MYO19: variants seen among roughly 807,000 people sequenced by gnomAD.
MYO19 encodes the protein unconventional myosin-XIX.
In MYO19, 132 loss-of-function variants were observed where a neutral mutation model predicts 129.2. That is an observed-to-expected ratio of 1.02 (90% CI 0.89 to 1.18). MYO19 has a LOEUF of 1.18. MYO19 is among the 50% of genes most tolerant of loss of function. MYO19 has a pLI of 0.00. For missense variants in MYO19, 1,210 were observed against 1,216.7 expected (o/e 0.99, Z 0.08); for synonymous variants, 531 against 477.2 (o/e 1.11, Z -1.47).
intron 15 of MYO19, 138 bp from the exon 16 acceptor site, chr17:36,507,650 T>C (rs2072011209): frequency 2.4e-6 from 3 of 1,267,516 alleles, no homozygotes; most frequent in Non-Finnish European, 3.3e-6. Flanking sequence ...AACATTACAT[T>C]GTACTCCATA....
intron 9 of MYO19, among the ~76,000 whole-genome samples, chr17:36,514,047 G>A (rs1389998463): frequency 3.3e-5 from 5 of 152,204 alleles, no homozygotes; most frequent in Admixed American, 3.3e-4. Context: ...TTGAGAGAAA[G>A]GGAGATATCC....
chr17:36,501,052 TC>T lies in MYO19; in HGVS notation c.2247+16del, dbSNP rs1218663548. 6.2e-7 allele frequency: 1 copy of T among 1,605,270 alleles called. No individual in the cohort carries two copies. The highest frequency in any genetic ancestry group is 1.3e-5 in the African/African-American group (1 of 74,744). ...ACAGCTTGCCTCTGTAACCTCCTCA[TC>T]CCCAAACCAGCTCACCATAGAGTCA... On this transcript the variant is annotated intron_variant, in intron 22 of 25. Transcript: ENST00000614623.
Position 36,507,861 on chromosome 17 carries a change from T to A in MYO19, c.1295A>T (p.Asn432Ile). 4 of 1,613,760 alleles carry A rather than the reference T, an allele frequency of 2.5e-6. No individual in the cohort carries two copies. The highest frequency in any genetic ancestry group is 3.4e-6 in the Non-Finnish European group (4 of 1,179,740). Reference protein sequence around the residue: ...PDNSLEQLCINYANEKLQQHF... With the variant: ...PDNSLEQLCIIYANEKLQQHF... ...CTGCTGCAGCTTCTCATTGGCGTAG[T>A]TGATGCACAACTGTTCCAGACTGTT... Residue 432 changes from asparagine to isoleucine, a missense_variant, in exon 15 of 26, where the codon AAC becomes ATC. Asn to Ile is a moderately radical substitution (Grantham distance 149, BLOSUM62 -3). Transcript: ENST00000614623.
chr17:36,507,253 TC>T, intron 16 of MYO19, 114 bp from the exon 17 acceptor site: 1 of 1,471,860 alleles, frequency 6.8e-7, no homozygotes, highest in Non-Finnish European at 9.3e-7. Flanking sequence ...CATCATAGTG[TC>T]CCCAACAGAA....
At chr17:36,499,674 T>TTTC (rs1156506391) in intron 23 of MYO19, 4 of 125,936 alleles carry the variant, frequency 3.2e-5, no homozygotes, top group African/African-American at 9.3e-5. Context: ...CTTTTTTTTT[T>TTTC]TTTTTTTTTT....
At chr17:36,521,487 A>G (rs1018587410) in intron 6 of MYO19, among the ~76,000 whole-genome samples, 42 of 152,330 alleles carry the variant, frequency 2.8e-4, no homozygotes, top group African/African-American at 7.2e-4. Context: ...TGATTACACA[A>G]CTAACCAAAT....
chr17:36,506,704 G>A lies in MYO19; in HGVS notation c.1645-96C>T, dbSNP rs138386307. On this transcript the variant is annotated intron_variant, in intron 17 of 25. Coordinates refer to ENST00000614623, the MANE Select transcript of MYO19 (RefSeq NM_001163735.2). ...CAAGCCGCAGATGACGGGGCTTCCA[G>A]GTAGGACAGGGCCTGAGTCCAAGAG... 227 of 1,395,132 alleles carry A rather than the reference G, an allele frequency of 1.6e-4. No individual in the cohort carries two copies. The African/African-American group carries it at 3.0e-3, about 18-fold the overall frequency. 86.4% of individuals were successfully genotyped at this position (1,395,132 alleles called of 1,614,324 possible).
rs144525045 is a variant in MYO19 at position 36,526,198 on chromosome 17, T to C, written c.301-857A>G. On this transcript the variant is annotated intron_variant, in intron 5 of 25. Coordinates refer to ENST00000614623, the MANE Select transcript of MYO19 (RefSeq NM_001163735.2). Reference sequence around the variant, plus strand: ...TGTTGTCTCTGCCTCCTGCCTCACCTTCTTGAACCCAACTCCCACAGTAAT... The same window carrying C: ...TGTTGTCTCTGCCTCCTGCCTCACCCTCTTGAACCCAACTCCCACAGTAAT... Among the ~76,000 whole-genome samples the C allele has an allele frequency of 1.9e-3, 286 of 152,334 alleles. 3 individuals carry two copies. Among genetic ancestry groups the C allele is most frequent in the East Asian group, 0.016 (85 of 5,188 alleles).
rs990690753 is a variant in MYO19 at position 36,496,103 on chromosome 17, G to C, written c.*148C>G. ...CCAGGCCCACTGACGCACTGGGCAC[G>C]GGGCTCTGGGTCGAAGGCTGGAGCC... On this transcript the variant is annotated 3_prime_UTR_variant, in exon 26 of 26. Transcript: ENST00000614623. 8.0e-6 allele frequency: 9 copies of C among 1,123,512 alleles called. No individual in the cohort carries two copies. The highest frequency in any genetic ancestry group is 1.1e-5 in the Non-Finnish European group (9 of 784,630). The allele number at this position is 1,123,512 out of a possible 1,614,324, so 69.6% of individuals were successfully genotyped here.
chr17:36,510,896 G>A lies in MYO19; in HGVS notation c.1007C>T (p.Ser336Leu), dbSNP rs750484664. ...DAKYSVRTAA[S>L]LLGLPEDVLL... ...CACGTCCTCTGGGAGCCCCAGCAGC[G>A]AGGCTGCCGTCCTGACAGAGTCTGG... Residue 336 changes from serine to leucine, a missense_variant, in exon 13 of 26, where the codon TCG becomes TTG. Transcript: ENST00000614623. The A allele has an allele frequency of 7.6e-6, 12 of 1,579,796 alleles. No individual in the cohort carries two copies. The highest frequency in any genetic ancestry group is 1.8e-5 in the Admixed American group (1 of 55,240).
chr17:36,512,229 ACACACAC>A (rs2072391777), intron 11 of MYO19, among the ~76,000 whole-genome samples: 3 of 146,904 alleles, frequency 2.0e-5, no homozygotes, highest in African/African-American at 5.2e-5. Flanking sequence ...ACACACACAC[ACACACAC>A]AAAATTAGCT....
At chr17:36,525,413 C>G (rs2073403643) in intron 5 of MYO19, 72 bp from the exon 6 acceptor site, 1 of 1,144,480 alleles carries the variant, frequency 8.7e-7, no homozygotes, top group Non-Finnish European at 1.3e-6. Flanking sequence ...CCAATGATGA[C>G]TGAGATGGGG....
At position 36,531,388 on chromosome 17, in the gene MYO19, C is replaced by G. The variant is rs530748177; in HGVS notation, c.12+1139G>C. Among the ~76,000 whole-genome samples the G allele has an allele frequency of 1.9e-3, 246 of 129,194 alleles. 1 individual carries two copies. Among genetic ancestry groups the G allele is most frequent in the Admixed American group, 3.9e-3 (51 of 12,972 alleles). 84.8% of individuals were successfully genotyped at this position (129,194 alleles called of 152,430 possible). On this transcript the variant is annotated intron_variant, in intron 3 of 25. Transcript: ENST00000614623. ...CCAGCCTGGATGACAGGGTGAGACT[C>G]CATCTCAAAAAAAAAAAAAAAAAAA...
chr17:36,536,369 T>G (rs1386097500), upstream of MYO19, among the ~76,000 whole-genome samples: 2 of 152,180 alleles, frequency 1.3e-5, no homozygotes, highest in African/African-American at 2.4e-5. Flanking sequence ...GCGTTTGAAT[T>G]TGCTTTAAGG....
At chr17:36,498,120 A>C in intron 25 of MYO19, 146 bp downstream of exon 25, 1 of 783,896 alleles carries the variant, frequency 1.3e-6, no homozygotes, top group Non-Finnish European at 2.0e-6. Context: ...CCTGCAGCTG[A>C]TTGGGACATG....
rs1180107903 is a variant in MYO19 at position 36,506,585 on chromosome 17, G to C, written c.1668C>G (p.Thr556=). The C allele has an allele frequency of 6.4e-7, 1 of 1,551,004 alleles. No individual in the cohort carries two copies. Among genetic ancestry groups the C allele is most frequent in the South Asian group, 1.3e-5 (1 of 79,228 alleles). Reference sequence around the variant, plus strand: ...GGTCCTGGGATTGCTGCAGGAGCCTGGTCAGCTCAGGTGGGATAGGGTCCT... The same window carrying C: ...GGTCCTGGGATTGCTGCAGGAGCCTCGTCAGCTCAGGTGGGATAGGGTCCT... ...KNKDPIPPEL[T]RLLQQSQDPL... is the part of the protein sequence containing the mutation. The change falls in exon 18 of 26, where the codon ACC becomes ACG. Residue 556 remains threonine (T), a synonymous_variant. Transcript: ENST00000614623.
chr17:36,505,302 C>A lies in MYO19; in HGVS notation c.1900G>T (p.Glu634Ter). ...TTTGGCCCGGTGTTAATTACCTCCTCTTGGAGAAAGGTCTGCGCCTGGCCC... is the reference window on the plus strand; with the variant it reads ...TTTGGCCCGGTGTTAATTACCTCCTATTGGAGAAAGGTCTGCGCCTGGCCC... ...SQGQAQTFLQ[E>*]EVLSQLEACG... Residue 634 changes from glutamate to a stop codon, truncating the protein, a stop_gained, in exon 19 of 26, where the codon GAG becomes TAG. Transcript: ENST00000614623. LOFTEE classifies it high-confidence loss of function. 1.2e-6 allele frequency: 2 copies of A among 1,614,168 alleles called. No homozygotes were observed. The highest frequency in any genetic ancestry group is 1.7e-6 in the Non-Finnish European group (2 of 1,179,988).
upstream of MYO19, among the ~76,000 whole-genome samples, chr17:36,543,710 C>T (rs189076089): frequency 1.2e-4 from 18 of 151,224 alleles, no homozygotes; most frequent in East Asian, 3.0e-3. Context: ...CTGCAACCTC[C>T]GCCTCCCGGG....
chr17:36,530,350 C>T (rs528901844), intron 3 of MYO19, among the ~76,000 whole-genome samples: 9 of 151,936 alleles, frequency 5.9e-5, no homozygotes, highest in African/African-American at 2.2e-4. Flanking sequence ...GATAATGGTA[C>T]CTACCTCACA....
Sources: gnomAD v4.1 joint callset for allele counts (sites outside exome capture counted in the v4.1 genomes callset) on GRCh38, gnomAD v4.1.1 for gene constraint, MANE v1.5 for transcripts, NCBI Gene and HGNC (gene_info 2026-07-23, HGNC 2026-07-21) for gene names.